Variants in PIAS4 observed in about 807,000 individuals in gnomAD.
PIAS4 encodes the protein protein inhibitor of activated STAT 4.
In PIAS4, 7 loss-of-function variants were observed where a neutral mutation model predicts 58.0. The observed-to-expected ratio is 0.12, with a 90% confidence interval of 0.07 to 0.23. PIAS4 has a LOEUF of 0.23. Ranked by LOEUF, PIAS4 falls within the 10% of genes least tolerant of loss-of-function variation. The pLI, the probability that PIAS4 is intolerant of heterozygous loss-of-function variation, is 1.00. For missense variants in PIAS4, 550 were observed against 709.5 expected, an observed-to-expected ratio of 0.78 and a Z score of 2.55; for synonymous variants, 364 against 312.4, an observed-to-expected ratio of 1.17 and a Z score of -1.74.
At chr19:4,019,269 C>G (rs62131490) in intron 2 of PIAS4, among the ~76,000 whole-genome samples, 15,404 of 152,206 alleles carry the variant, frequency 0.1, 872 homozygotes, top group South Asian at 0.18. Context: ...GGGGAACCGT[C>G]AGCGGCCCGG....
At chr19:4,008,344 G>T (rs1388565855) in intron 1 of PIAS4, among the ~76,000 whole-genome samples, 2 of 152,066 alleles carry the variant, frequency 1.3e-5, no homozygotes, top group Non-Finnish European at 2.9e-5. Flanking sequence ...CACCGTCCAG[G>T]TGGAGGAGTC....
In PIAS4 at chr19:4,010,887, G is replaced by C. The variant is rs1467418678; in HGVS notation, c.28-2036G>C. Reference sequence around the variant, plus strand: ...CTTCTCCCGAGGCTCTTTGGGCAGGGCTGGGCCGCCTGCACGTGTGTCCCT... The same window carrying C: ...CTTCTCCCGAGGCTCTTTGGGCAGGCCTGGGCCGCCTGCACGTGTGTCCCT... On this transcript the variant is annotated intron_variant, in intron 1 of 10. Transcript: ENST00000262971. 2.6e-5 allele frequency among the ~76,000 whole-genome samples: 4 copies of C among 152,246 alleles called. No homozygotes were observed. The East Asian group carries it at 7.7e-4, about 29-fold the overall frequency.
Position 4,036,668 on chromosome 19 carries a change from A to G in PIAS4, c.1143-706A>G, listed in dbSNP as rs907082293. On this transcript the variant is annotated intron_variant, in intron 9 of 10. Coordinates refer to ENST00000262971, the MANE Select transcript of PIAS4 (RefSeq NM_015897.4). Reference sequence around the variant, plus strand: ...CACTGTCATACACACACATCTATACAGTCCACACCGTCACACATCCATATA... The same window carrying G: ...CACTGTCATACACACACATCTATACGGTCCACACCGTCACACATCCATATA... Among the ~76,000 whole-genome samples the G allele has an allele frequency of 1.2e-3, 167 of 141,900 alleles. 20 individuals are homozygous for G. Among genetic ancestry groups the G allele is most frequent in the African/African-American group, 4.8e-3 (157 of 32,674 alleles). The allele number at this position is 141,900 out of a possible 152,430, so 93.1% of individuals were successfully genotyped here. A position where few individuals can be genotyped will look rare whatever the true frequency, so the allele number is the denominator to read the frequency against.
At position 4,037,884 on chromosome 19, in the gene PIAS4, G is replaced by T. The variant is rs777201304; in HGVS notation, c.*9G>T. ...TGGTGCCGGCCTGCTGACCCCGGCC[G>T]CACACTCGACTTTCCTGGTGCTCAC... is the stretch of plus-strand genomic sequence containing the variant. On this transcript the variant is annotated 3_prime_UTR_variant, in exon 11 of 11. Coordinates refer to ENST00000262971, the MANE Select transcript of PIAS4 (RefSeq NM_015897.4). The surrounding 1 kb of genome is among the most constrained non-coding windows in gnomAD (Gnocchi z 5.8). The T allele has an allele frequency of 1.3e-6, 2 of 1,565,714 alleles. No individual in the cohort carries two copies. The highest frequency in any genetic ancestry group is 2.3e-5 in the East Asian group (1 of 42,948).
At chr19:4,011,723 GTGGGGTGT>G (rs2039995270) in intron 1 of PIAS4, among the ~76,000 whole-genome samples, 4 of 93,164 alleles carry the variant, frequency 4.3e-5, no homozygotes, top group Admixed American at 9.8e-5. Context: ...GTGGAGGTGT[GTGGGGTGT>G]GGAGGTGTGT....
At chr19:4,036,717 CAT>C (rs1491124100) in intron 9 of PIAS4, among the ~76,000 whole-genome samples, 24 of 150,708 alleles carry the variant, frequency 1.6e-4, no homozygotes, top group African/African-American at 2.7e-4. Flanking sequence ...TACACACACA[CAT>C]CTCTACAGTC....
intron 1 of PIAS4, among the ~76,000 whole-genome samples, chr19:4,012,259 C>T (rs2040003579): frequency 2.0e-5 from 3 of 151,972 alleles, no homozygotes; most frequent in African/African-American, 4.8e-5. Flanking sequence ...CCGCCCCTGG[C>T]TTCAGAGCCA....
At position 4,029,147 on chromosome 19, in the gene PIAS4, G is replaced by A. The variant is rs902971644; in HGVS notation, c.907+111G>A. On this transcript the variant is annotated intron_variant, in intron 7 of 10. Coordinates refer to ENST00000262971, the MANE Select transcript of PIAS4 (RefSeq NM_015897.4). ...ACCCGGAGGAGATCGATCAGGGGCC[G>A]CCTGTCACTCTGGGGGTCCATGGCC... 2.8e-5 allele frequency: 21 copies of A among 749,270 alleles called. 1 individual carries two copies. The highest frequency in any genetic ancestry group is 1.6e-4 in the African/African-American group (9 of 57,662). 46.4% of individuals were successfully genotyped at this position (749,270 alleles called of 1,614,324 possible).
rs530340447 is a variant in PIAS4, at chr19:4,033,600, G to A, written c.1142+20G>A. 155 of 1,578,414 alleles carry A rather than the reference G, an allele frequency of 9.8e-5. 1 individual carries two copies. In the Middle Eastern group the frequency reaches 1.8e-3, roughly 19 times the overall value. On this transcript the variant is annotated intron_variant, in intron 9 of 10. Transcript: ENST00000262971. Reference sequence around the variant, plus strand: ...CGACGGGTGAGCCCGGGGCCCCGGGGAGGGCGGCCGGAGCCGGACATCCGT... The same window carrying A: ...CGACGGGTGAGCCCGGGGCCCCGGGAAGGGCGGCCGGAGCCGGACATCCGT...
intron 2 of PIAS4, among the ~76,000 whole-genome samples, chr19:4,019,152 A>G (rs868851843): frequency 3.9e-5 from 6 of 152,254 alleles, no homozygotes; most frequent in Middle Eastern, 6.8e-3. Flanking sequence ...GGCTTCATGG[A>G]TGCCACCTGG....
chr19:4,038,220 C>T lies in PIAS4; in HGVS notation c.*345C>T, dbSNP rs1229133697. 3.9e-6 allele frequency: 1 copy of T among 257,632 alleles called. No homozygotes were observed. The highest frequency in any genetic ancestry group is 7.4e-6 in the Non-Finnish European group (1 of 136,048). The allele number at this position is 257,632 out of a possible 1,614,324, so 16.0% of individuals were successfully genotyped here. On this transcript the variant is annotated 3_prime_UTR_variant, in exon 11 of 11. Coordinates refer to ENST00000262971, the MANE Select transcript of PIAS4 (RefSeq NM_015897.4). The surrounding 1 kb of genome is among the most constrained non-coding windows in gnomAD (Gnocchi z 4.1). ...CCAGGACGCCGCCCCGCGCCCTCCC[C>T]TCCGGATGCCCCGCCGCCCGCCGCC...
chr19:4,030,628 A>AAAAAGC (rs2040214385), intron 7 of PIAS4, among the ~76,000 whole-genome samples: 1 of 151,972 alleles, frequency 6.6e-6, no homozygotes, highest in Non-Finnish European at 1.5e-5. Flanking sequence ...CAAAAAAAAA[A>AAAAAGC]AAAAGCCTGC....
chr19:4,028,405 G>A (rs1007148325), intron 4 of PIAS4, 105 bp from the exon 5 acceptor site: 13 of 888,558 alleles, frequency 1.5e-5, no homozygotes, highest in Non-Finnish European at 2.3e-5. Flanking sequence ...CACATTCTCC[G>A]GTGCCCCCAT....
At chr19:4,014,067 G>C (rs8113562) in intron 2 of PIAS4, among the ~76,000 whole-genome samples, 1 of 152,034 alleles carries the variant, frequency 6.6e-6, no homozygotes, top group Non-Finnish European at 1.5e-5. Context: ...TCCTTCCCCC[G>C]GGCTCTGGTT....
chr19:4,038,100 C>G lies in PIAS4; in HGVS notation c.*225C>G. The G allele has an allele frequency of 3.7e-6, 2 of 538,842 alleles. No individual in the cohort carries two copies. The highest frequency in any genetic ancestry group is 6.3e-6 in the Non-Finnish European group (2 of 315,138). The allele number at this position is 538,842 out of a possible 1,614,324, so 33.4% of individuals were successfully genotyped here. A position where few individuals can be genotyped will look rare whatever the true frequency, so the allele number is the denominator to read the frequency against. ...AAAGATACAAAAAAGAAAAATGAAACAAAAAAGTCAAACTCTTAAAAACAA... is the reference window on the plus strand; with the variant it reads ...AAAGATACAAAAAAGAAAAATGAAAGAAAAAAGTCAAACTCTTAAAAACAA... On this transcript the variant is annotated 3_prime_UTR_variant, in exon 11 of 11. Transcript: ENST00000262971. This position sits in a 1 kb window ranked among gnomAD's most constrained non-coding sequence, Gnocchi z 4.1.
At chr19:4,023,529 C>A (rs922761986) in intron 2 of PIAS4, among the ~76,000 whole-genome samples, 5 of 152,200 alleles carry the variant, frequency 3.3e-5, no homozygotes, top group Non-Finnish European at 5.9e-5. Flanking sequence ...GCCTGTCAGT[C>A]CAGTTGTAAG....
intron 9 of PIAS4, among the ~76,000 whole-genome samples, chr19:4,036,437 TACAAACAC>T (rs2040287499): frequency 8.7e-6 from 1 of 114,562 alleles, no homozygotes; most frequent in African/African-American, 3.5e-5. Flanking sequence ...CACACTGTCA[TACAAACAC>T]ACACACATCT....
chr19:4,028,658 TG>T, intron 5 of PIAS4, 58 bp downstream of exon 5: 1 of 1,603,280 alleles, frequency 6.2e-7, no homozygotes. Flanking sequence ...GGAGGGAGGG[TG>T]GGGGCCGTCG....
At chr19:4,023,980 G>A in intron 2 of PIAS4, 56 bp from the exon 3 acceptor site, 1 of 1,219,308 alleles carries the variant, frequency 8.2e-7, no homozygotes, top group Non-Finnish European at 1.2e-6. Context: ...AAAGCGACTG[G>A]GCTCGGGGGA....
Sources: gnomAD v4.1 joint callset for allele counts (sites outside exome capture counted in the v4.1 genomes callset) on GRCh38, gnomAD v4.1.1 for gene constraint, Gnocchi (gnomAD v3.1) non-coding constraint, MANE v1.5 for transcripts, NCBI Gene and HGNC (gene_info 2026-07-23, HGNC 2026-07-21) for gene names.